The following NKAIN3 variants were observed in gnomAD, a reference collection of about 807,000 sequenced individuals.
The protein encoded by NKAIN3 is sodium/potassium transporting ATPase interacting 3.
A neutral mutation model predicts 30.2 loss-of-function variants in NKAIN3; 25 were observed. That is an observed-to-expected ratio of 0.83 (90% CI 0.60 to 1.16). The LOEUF is 1.16. Ranked by LOEUF, NKAIN3 falls within the 50% of genes most tolerant of loss-of-function variation. NKAIN3 has a pLI of 0.00. For missense variants in NKAIN3, 225 were observed against 254.1 expected, an observed-to-expected ratio of 0.89 and a Z score of 0.78; for synonymous variants, 91 against 89.6, an observed-to-expected ratio of 1.02 and a Z score of -0.09.
chr8:62,730,154 T>C (rs1815422507), intron 3 of NKAIN3, among the ~76,000 whole-genome samples: 1 of 152,160 alleles, frequency 6.6e-6, no homozygotes, highest in South Asian at 2.1e-4. Flanking sequence ...TATTTTCTGC[T>C]CTTACATGTA....
At chr8:62,712,498 C>T (rs891672977) in intron 3 of NKAIN3, among the ~76,000 whole-genome samples, 3 of 152,038 alleles carry the variant, frequency 2.0e-5, no homozygotes, top group African/African-American at 4.8e-5. Flanking sequence ...CTGAGTCATG[C>T]AGGTTATCAG....
chr8:62,443,884 T>C (rs1184001817), intron 1 of NKAIN3, among the ~76,000 whole-genome samples: 3 of 152,158 alleles, frequency 2.0e-5, no homozygotes, highest in African/African-American at 7.2e-5. Flanking sequence ...TAAACTATGC[T>C]CCAAGCAGTC....
At chr8:62,522,878 A>G (rs529969960) in intron 1 of NKAIN3, among the ~76,000 whole-genome samples, 57 of 152,258 alleles carry the variant, frequency 3.7e-4, no homozygotes, top group African/African-American at 1.2e-3. Context: ...TTATAAAGTG[A>G]AAACATTACA....
Position 62,579,618 on chromosome 8 carries a change from T to C in NKAIN3, c.134T>C (p.Ile45Thr). The change falls in exon 2 of 7, where the codon ATA (isoleucine) becomes ACA (threonine). Residue 45 changes from isoleucine (I) to threonine (T), a missense_variant. By Grantham distance (89) the Ile-to-Thr change is moderately conservative. Transcript: ENST00000623646. ...APILGNFLHI[I>T]VVILGLFGTI... The stretch of plus-strand genomic sequence containing the variant: ...ATTCTTGGAAATTTTCTACACATAA[T>C]AGTTGTCATATTGGGTTTGTTTGGG... 6.2e-7 allele frequency: 1 copy of C among 1,609,144 alleles called. No individual in the cohort carries two copies. The highest frequency in any genetic ancestry group is 1.7e-5 in the Admixed American group (1 of 59,840).
At chr8:62,712,338 G>A (rs1171259262) in intron 3 of NKAIN3, among the ~76,000 whole-genome samples, 1 of 152,146 alleles carries the variant, frequency 6.6e-6, no homozygotes, top group Non-Finnish European at 1.5e-5. Context: ...ACCAGGGTGG[G>A]TAGGGAAGGA....
intron 3 of NKAIN3, among the ~76,000 whole-genome samples, chr8:62,737,290 G>C (rs116458325): frequency 2.6e-5 from 4 of 152,186 alleles, no homozygotes; most frequent in African/African-American, 9.6e-5. Context: ...CAGAAGCATT[G>C]TCATGGTGGA....
At chr8:62,258,184 T>G (rs1812318663) in intron 1 of NKAIN3, among the ~76,000 whole-genome samples, 1 of 152,216 alleles carries the variant, frequency 6.6e-6, no homozygotes, top group Non-Finnish European at 1.5e-5. Flanking sequence ...CCAATAGTAC[T>G]TAATATTTTG....
chr8:62,878,744 G>A, intron 4 of NKAIN3, among the ~76,000 whole-genome samples: 1 of 143,830 alleles, frequency 7.0e-6, no homozygotes, highest in East Asian at 2.1e-4. Flanking sequence ...TCCCACCTAT[G>A]AGTGAGAACA....
chr8:62,672,892 T>C (rs1813352182), intron 3 of NKAIN3, among the ~76,000 whole-genome samples: 1 of 152,240 alleles, frequency 6.6e-6, no homozygotes, highest in African/African-American at 2.4e-5. Flanking sequence ...GTAAATGTCA[T>C]ACTTTACAGG....
chr8:62,480,419 T>TG lies in NKAIN3; in HGVS notation c.55-99114dup, dbSNP rs528693964. Among the ~76,000 whole-genome samples, 265 of 151,674 alleles carry TG rather than the reference T, an allele frequency of 1.7e-3. 1 individual carries two copies. The highest frequency in any genetic ancestry group is 6.1e-3 in the African/African-American group (254 of 41,328). Reference sequence around the variant, plus strand: ...TCTGTCAATCATACTTTAATAAAGCTGGGGGGAAAATCACTCCATAGCTTG... The same window carrying TG: ...TCTGTCAATCATACTTTAATAAAGCTGGGGGGGAAAATCACTCCATAGCTTG... On this transcript the variant is annotated intron_variant, in intron 1 of 6. Coordinates refer to ENST00000623646, the MANE Select transcript of NKAIN3 (RefSeq NM_001304533.3).
intron 1 of NKAIN3, among the ~76,000 whole-genome samples, chr8:62,335,623 A>G (rs1265548862): frequency 6.6e-6 from 1 of 151,858 alleles, no homozygotes; most frequent in Non-Finnish European, 1.5e-5. Context: ...ACAACATATA[A>G]TGGTCAGAGA....
At chr8:62,375,895 A>G (rs1030587983) in intron 1 of NKAIN3, among the ~76,000 whole-genome samples, 2 of 152,182 alleles carry the variant, frequency 1.3e-5, no homozygotes, top group Admixed American at 1.3e-4. Flanking sequence ...CAGCAGTTTC[A>G]ACATGTTCTT....
chr8:62,506,800 T>C (rs1807660038), intron 1 of NKAIN3, among the ~76,000 whole-genome samples: 1 of 152,094 alleles, frequency 6.6e-6, no homozygotes, highest in Non-Finnish European at 1.5e-5. Context: ...GGTTAGACTT[T>C]GGAATTAAAA....
At position 62,290,361 on chromosome 8, in the gene NKAIN3, A is replaced by T. The variant is rs565266894; in HGVS notation, c.54+41234A>T. 3.3e-5 allele frequency among the ~76,000 whole-genome samples: 5 copies of T among 152,290 alleles called. No homozygotes were observed. In the East Asian group the frequency reaches 9.6e-4, roughly 29 times the overall value. On this transcript the variant is annotated intron_variant, in intron 1 of 6. Transcript: ENST00000623646. The stretch of plus-strand genomic sequence containing the variant: ...TGCTTCCAGTTTTTGCCCATTCAGT[A>T]TGATATTGGCTGTGGGTTTGTCATA...
At chr8:62,931,037 A>G (rs1364702777) in intron 5 of NKAIN3, among the ~76,000 whole-genome samples, 1 of 152,226 alleles carries the variant, frequency 6.6e-6, no homozygotes, top group South Asian at 2.1e-4. Flanking sequence ...TTTAAATTCA[A>G]TAGTCTACAT....
chr8:62,395,765 A>T (rs188008352), intron 1 of NKAIN3, among the ~76,000 whole-genome samples: 103 of 152,350 alleles, frequency 6.8e-4, no homozygotes, highest in African/African-American at 2.1e-3. Context: ...CTGAAGTGAT[A>T]AGTAGATATA....
intron 3 of NKAIN3, among the ~76,000 whole-genome samples, chr8:62,685,662 T>G (rs1586087595): frequency 6.6e-6 from 1 of 152,324 alleles, no homozygotes; most frequent in South Asian, 2.1e-4. Context: ...GGCATTCAAA[T>G]ACTTGCCCCA....
intron 4 of NKAIN3, among the ~76,000 whole-genome samples, chr8:62,854,189 G>C (rs1819994710): frequency 6.6e-6 from 1 of 152,272 alleles, no homozygotes; most frequent in Admixed American, 6.5e-5. Context: ...TTTTGGGGTG[G>C]AGAGTTCTGT....
chr8:62,828,712 G>C (rs2130741684), intron 4 of NKAIN3, among the ~76,000 whole-genome samples: 1 of 152,244 alleles, frequency 6.6e-6, no homozygotes, highest in Admixed American at 6.5e-5. Context: ...TGGGGAGCCA[G>C]ATCTTAAGAT....
Sources: allele counts gnomAD v4.1 joint callset (sites outside exome capture counted in the v4.1 genomes callset), GRCh38; gene constraint gnomAD v4.1.1; transcripts MANE v1.5; gene names NCBI Gene and HGNC (gene_info 2026-07-23, HGNC 2026-07-21).